Variants in HLA-DRA observed in about 807,000 individuals in gnomAD.
The protein encoded by HLA-DRA is HLA class II histocompatibility antigen, DR alpha chain.
Under a neutral mutation model 22.1 loss-of-function variants are expected in HLA-DRA, and 8 were observed. The observed-to-expected ratio is 0.36, with a 90% confidence interval of 0.21 to 0.65. The LOEUF (loss-of-function observed/expected upper bound fraction) is 0.65. Ranked by LOEUF, HLA-DRA falls within the 30% of genes least tolerant of loss-of-function variation. The probability of loss-of-function intolerance (pLI) is 0.63; values close to 1 mark genes in which losing one functional copy is unlikely to be tolerated. For missense variants in HLA-DRA, 248 were observed against 321.3 expected (o/e 0.77, Z 1.74); for synonymous variants, 101 against 117.1 (o/e 0.86, Z 0.89).
intron 3 of HLA-DRA, 133 bp downstream of exon 3, chr6:32,443,599 T>G (rs2239805): frequency 0.16 from 185,712 of 1,138,970 alleles, 17,401 homozygotes; most frequent in Non-Finnish European, 0.18. Context: ...TCCAGCTTCC[T>G]CCTTTTTTTA....
intron 2 of HLA-DRA, 148 bp downstream of exon 2, chr6:32,442,841 G>T (rs896193398): frequency 6.4e-5 from 60 of 944,560 alleles, no homozygotes; most frequent in Non-Finnish European, 9.0e-5. Context: ...CATGCCAGAG[G>T]TCTGAGAACT....
chr6:32,444,639 T>C lies in HLA-DRA; in HGVS notation c.*12-13T>C, dbSNP rs1264346753. On this transcript the variant is annotated splice_polypyrimidine_tract_variant and intron_variant, in intron 4 of 4. Transcript: ENST00000395388. ...TCTTCAACTCCTTGGTAACTATGTG[T>C]GTCTTGCTATAGGTGATGGTGTTTC... 1 of 152,208 alleles carries C rather than the reference T, an allele frequency of 6.6e-6. No individual in the cohort carries two copies. Among genetic ancestry groups the C allele is most frequent in the Non-Finnish European group, 1.5e-5 (1 of 68,040 alleles). 9.4% of individuals were successfully genotyped at this position (152,208 alleles called of 1,614,324 possible).
chr6:32,441,432 A>G (rs773351739), intron 1 of HLA-DRA, among the ~76,000 whole-genome samples: 3 of 152,240 alleles, frequency 2.0e-5, no homozygotes, highest in Non-Finnish European at 4.4e-5. Context: ...TCTCCCACTC[A>G]TCGATACACT....
intron 4 of HLA-DRA, among the ~76,000 whole-genome samples, 164 bp downstream of exon 4, chr6:32,444,085 C>T (rs1270381164): frequency 6.6e-6 from 1 of 152,144 alleles, no homozygotes; most frequent in Non-Finnish European, 1.5e-5. Context: ...ATCTGGTATC[C>T]CAAAGCTTCA....
chr6:32,442,409 C>T, intron 1 of HLA-DRA, 39 bp from the exon 2 acceptor site: 1 of 1,611,358 alleles, frequency 6.2e-7, no homozygotes, highest in Non-Finnish European at 8.5e-7. Flanking sequence ...CTCTTGATTC[C>T]CCCCACCCAA....
intron 1 of HLA-DRA, 29 bp from the exon 2 acceptor site, chr6:32,442,419 A>G: frequency 6.2e-7 from 1 of 1,611,342 alleles, no homozygotes; most frequent in South Asian, 1.1e-5. Flanking sequence ...CCCCCACCCA[A>G]CTCTCTTTCT....
At chr6:32,444,442 T>C (rs574408863) in intron 4 of HLA-DRA, among the ~76,000 whole-genome samples, 1 of 152,206 alleles carries the variant, frequency 6.6e-6, no homozygotes, top group South Asian at 2.1e-4. Context: ...TCAAATGTAG[T>C]ATGAGAAACT....
chr6:32,443,844 T>C lies in HLA-DRA; in HGVS notation c.699T>C (p.Ile233=). The C allele has an allele frequency of 1.2e-6, 2 of 1,612,286 alleles. No homozygotes were observed. The highest frequency in any genetic ancestry group is 1.7e-6 in the Non-Finnish European group (2 of 1,179,666). Residue 233 remains isoleucine (I), a synonymous_variant, in exon 4 of 5, where the codon ATT becomes ATC. Transcript: ENST00000395388. The stretch of plus-strand genomic sequence containing the variant: ...CTGTGGGTCTGGTGGGCATCATTAT[T>C]GGGACCATCTTCATCATCAAGGGAT... The part of the protein sequence containing the change: ...GLTVGLVGII[I]GTIFIIKGLR...
At position 32,440,018 on chromosome 6, in the gene HLA-DRA, C is replaced by T. The variant is rs771937138; in HGVS notation, c.68C>T (p.Ser23Leu). The T allele has an allele frequency of 1.9e-6, 3 of 1,613,812 alleles. No homozygotes were observed. The highest frequency in any genetic ancestry group is 1.7e-6 in the Non-Finnish European group (2 of 1,179,884). ...IIAVLMSAQE[S>L]WAIKEEHVII... ...GCTGTGCTGATGAGCGCTCAGGAAT[C>T]ATGGGCTATCAAAGGTAGGTGCTGA... Residue 23 changes from serine (S) to leucine (L), a missense_variant, in exon 1 of 5, where the codon TCA becomes TTA. By Grantham distance (145) the Ser-to-Leu change is moderately radical. Coordinates refer to ENST00000395388, the MANE Select transcript of HLA-DRA (RefSeq NM_019111.5).
Position 32,442,562 on chromosome 6 carries a change from C to A in HLA-DRA, c.197C>A (p.Thr66Lys), listed in dbSNP as rs536514150. 6.2e-7 allele frequency: 1 copy of A among 1,612,904 alleles called. No individual in the cohort carries two copies. Among genetic ancestry groups the A allele is most frequent in the East Asian group, 2.2e-5 (1 of 44,900 alleles). The change falls in exon 2 of 5, where the codon ACG (threonine) becomes AAG (lysine). Residue 66 changes from threonine (T) to lysine (K), a missense_variant. Physicochemically the swap from Thr to Lys is moderately conservative, Grantham distance 78 (BLOSUM62 -1). Transcript: ENST00000395388. ...IFHVDMAKKE[T>K]VWRLEEFGRF... ...CATGTGGATATGGCAAAGAAGGAGA[C>A]GGTCTGGCGGCTTGAAGAATTTGGA...
rs1270619856 is a variant in HLA-DRA, at chr6:32,441,525, A to G, written c.83-923A>G. On this transcript the variant is annotated intron_variant, in intron 1 of 4. Transcript: ENST00000395388. ...TTGGTGTTGGTTATTCTCAATGTCA[A>G]TCATAACAGAACATCTTCCATAATA... Among the ~76,000 whole-genome samples the G allele has an allele frequency of 2.0e-5, 3 of 152,164 alleles. No individual in the cohort carries two copies. The East Asian group carries it at 5.8e-4, about 29-fold the overall frequency.
chr6:32,442,176 A>G (rs16822614), intron 1 of HLA-DRA, among the ~76,000 whole-genome samples: 3,233 of 152,294 alleles, frequency 0.021, 94 homozygotes, highest in East Asian at 0.075. Context: ...GCCAAACAAC[A>G]GCTTCACAAG....
In HLA-DRA at chr6:32,444,754, T is replaced by C. The variant is rs1762824405; in HGVS notation, c.*114T>C. On this transcript the variant is annotated 3_prime_UTR_variant, in exon 5 of 5. Transcript: ENST00000395388. ...TCCTTGACCTCAGTGAAAGCAGTCA[T>C]CTTCAGCATTTTCCAGCCCTATAGC... 6.6e-6 allele frequency: 1 copy of C among 152,350 alleles called. No individual in the cohort carries two copies. Among genetic ancestry groups the C allele is most frequent in the African/African-American group, 2.4e-5 (1 of 41,456 alleles). The allele number at this position is 152,350 out of a possible 1,614,324, so 9.4% of individuals were successfully genotyped here.
In HLA-DRA at chr6:32,440,023, G is replaced by C. The variant is rs542202057; in HGVS notation, c.73G>C (p.Ala25Pro). Residue 25 changes from alanine (A) to proline (P), a missense_variant, in exon 1 of 5, where the codon GCT (alanine) becomes CCT (proline). By Grantham distance (27) the Ala-to-Pro change is conservative. Coordinates refer to ENST00000395388, the MANE Select transcript of HLA-DRA (RefSeq NM_019111.5). Reference protein sequence around the residue: ...AVLMSAQESWAIKEEHVIIQA... With the variant: ...AVLMSAQESWPIKEEHVIIQA... ...GCTGATGAGCGCTCAGGAATCATGG[G>C]CTATCAAAGGTAGGTGCTGAGGGAA... 5 of 1,613,660 alleles carry C rather than the reference G, an allele frequency of 3.1e-6. No individual in the cohort carries two copies. Among genetic ancestry groups the C allele is most frequent in the Non-Finnish European group, 4.2e-6 (5 of 1,179,728 alleles).
Position 32,443,434 on chromosome 6 carries a change from G to A in HLA-DRA, c.578G>A (p.Trp193Ter). Residue 193 changes from tryptophan to a stop codon, truncating the protein, a stop_gained, in exon 3 of 5, where the codon TGG (tryptophan) becomes TAG (stop). Coordinates refer to ENST00000395388, the MANE Select transcript of HLA-DRA (RefSeq NM_019111.5). LOFTEE classifies it high-confidence loss of function. The part of the protein sequence containing the change: ...EDVYDCRVEH[W>*]GLDEPLLKHW... ...GTTTACGACTGCAGGGTGGAGCACT[G>A]GGGCTTGGATGAGCCTCTTCTCAAG... 6.2e-7 allele frequency: 1 copy of A among 1,612,964 alleles called. No homozygotes were observed. The highest frequency in any genetic ancestry group is 8.5e-7 in the Non-Finnish European group (1 of 1,179,976).
rs1450847117 is a variant in HLA-DRA at position 32,442,581 on chromosome 6, A to G, written c.216A>G (p.Glu72=). 2.5e-6 allele frequency: 4 copies of G among 1,613,080 alleles called. No individual in the cohort carries two copies. Among genetic ancestry groups the G allele is most frequent in the South Asian group, 2.2e-5 (2 of 91,082 alleles). ...AKKETVWRLE[E]FGRFASFEAQ... is the part of the protein sequence containing the mutation. The stretch of plus-strand genomic sequence containing the variant: ...AGGAGACGGTCTGGCGGCTTGAAGA[A>G]TTTGGACGATTTGCCAGCTTTGAGG... Residue 72 remains glutamate (E), a synonymous_variant, in exon 2 of 5, where the codon GAA becomes GAG. Coordinates refer to ENST00000395388, the MANE Select transcript of HLA-DRA (RefSeq NM_019111.5).
chr6:32,441,435 G>A (rs112834133), intron 1 of HLA-DRA, among the ~76,000 whole-genome samples: 25 of 152,126 alleles, frequency 1.6e-4, no homozygotes, highest in Non-Finnish European at 2.4e-4. Flanking sequence ...CCCACTCATC[G>A]ATACACTCCA....
Position 32,442,461 on chromosome 6 carries a change from C to T in HLA-DRA, c.96C>T (p.Ile32=), listed in dbSNP as rs1226822679. 1 of 1,613,040 alleles carries T rather than the reference C, an allele frequency of 6.2e-7. No homozygotes were observed. The highest frequency in any genetic ancestry group is 8.5e-7 in the Non-Finnish European group (1 of 1,180,010). Residue 32 remains isoleucine (I), a synonymous_variant, in exon 2 of 5, where the codon ATC becomes ATT. Coordinates refer to ENST00000395388, the MANE Select transcript of HLA-DRA (RefSeq NM_019111.5). The part of the protein sequence containing the change: ...ESWAIKEEHV[I]IQAEFYLNPD... ...CTTGCCTTTCAGAAGAACATGTGAT[C>T]ATCCAGGCCGAGTTCTATCTGAATC...
chr6:32,439,911 C>T lies in HLA-DRA; in HGVS notation c.-40C>T, dbSNP rs73407183. On this transcript the variant is annotated 5_prime_UTR_variant, in exon 1 of 5. Coordinates refer to ENST00000395388, the MANE Select transcript of HLA-DRA (RefSeq NM_019111.5). The stretch of plus-strand genomic sequence containing the variant: ...TATTCTTGTCTGTTCTGCCTCACTC[C>T]CGAGCTCTACTGACTCCCAACAGAG... 6.0e-4 allele frequency: 910 copies of T among 1,527,026 alleles called. 4 individuals are homozygous for T. In the African/African-American group the frequency reaches 0.011, roughly 19 times the overall value. 94.6% of individuals were successfully genotyped at this position (1,527,026 alleles called of 1,614,324 possible).
Sources: allele counts gnomAD v4.1 joint callset (sites outside exome capture counted in the v4.1 genomes callset), GRCh38; gene constraint gnomAD v4.1.1; transcripts MANE v1.5; gene names NCBI Gene and HGNC (gene_info 2026-07-23, HGNC 2026-07-21).